Variants in CLPSL1 observed in about 807,000 individuals in gnomAD.
The protein encoded by CLPSL1 is colipase-like protein 1.
A neutral mutation model predicts 9.3 loss-of-function variants in CLPSL1; 13 were observed. The ratio of observed to expected loss-of-function variants is 1.40; its 90% CI spans 0.91 to 2.22. The LOEUF (loss-of-function observed/expected upper bound fraction) is 2.22. CLPSL1 is among the 30% of genes most tolerant of loss of function. The pLI is 0.00. For missense variants in CLPSL1, 164 were observed against 146.6 expected (o/e 1.12, Z -0.61); for synonymous variants, 58 against 56.9 (o/e 1.02, Z -0.08).
chr6:35,792,494 A>G (rs934500284), downstream of CLPSL1, among the ~76,000 whole-genome samples: 55 of 152,378 alleles, frequency 3.6e-4, no homozygotes, highest in Non-Finnish European at 7.3e-4. Flanking sequence ...TTGTCAGTCA[A>G]ACCATTGTAA....
intron 1 of CLPSL1, among the ~76,000 whole-genome samples, chr6:35,783,021 G>A (rs1346481374): frequency 6.6e-6 from 1 of 152,072 alleles, no homozygotes. Flanking sequence ...GAGTTTACAT[G>A]GAAATCAATG....
chr6:35,793,002 GC>G (rs1208019608), downstream of CLPSL1, among the ~76,000 whole-genome samples: 2 of 152,256 alleles, frequency 1.3e-5, no homozygotes, highest in Non-Finnish European at 2.9e-5. Flanking sequence ...AATGAACCTG[GC>G]CCCAGGAGAA....
chr6:35,785,174 A>ATTTT lies in CLPSL1; in HGVS notation c.100-1806_100-1803dup, dbSNP rs34500810. 2.8e-3 allele frequency among the ~76,000 whole-genome samples: 320 copies of ATTTT among 115,658 alleles called. 3 individuals are homozygous for ATTTT. Among genetic ancestry groups the ATTTT allele is most frequent in the South Asian group, 4.9e-3 (17 of 3,470 alleles). 75.9% of individuals were successfully genotyped at this position (115,658 alleles called of 152,430 possible). A position where few individuals can be genotyped will look rare whatever the true frequency, so the allele number is the denominator to read the frequency against. On this transcript the variant is annotated intron_variant, in intron 1 of 2. Coordinates refer to ENST00000373861, the MANE Select transcript of CLPSL1 (RefSeq NM_001010886.5). ...TTTCCTGTGGAGTGTGCCCCTGGAA[A>ATTTT]TTTTTTTTTTTTTTTTTTTTTGAGA... is the stretch of plus-strand genomic sequence containing the variant.
At chr6:35,782,357 A>C (rs1767981346) in intron 1 of CLPSL1, among the ~76,000 whole-genome samples, 1 of 152,234 alleles carries the variant, frequency 6.6e-6, no homozygotes, top group South Asian at 2.1e-4. Flanking sequence ...CAGCACCTGC[A>C]ATGTGTAAGG....
intron 1 of CLPSL1, among the ~76,000 whole-genome samples, chr6:35,786,155 C>G (rs1768069291): frequency 6.6e-6 from 1 of 151,994 alleles, no homozygotes; most frequent in South Asian, 2.1e-4. Context: ...ATCGCAGCTA[C>G]TCGGGAGAAT....
At chr6:35,789,353 T>C (rs1244824188), downstream of CLPSL1, among the ~76,000 whole-genome samples, 1 of 152,264 alleles carries the variant, frequency 6.6e-6, no homozygotes, top group African/African-American at 2.4e-5. Context: ...AAGGATAGTC[T>C]TTTCAATAAA....
intron 1 of CLPSL1, among the ~76,000 whole-genome samples, chr6:35,785,424 G>T (rs928510360): frequency 2.0e-5 from 3 of 151,926 alleles, no homozygotes; most frequent in African/African-American, 7.3e-5. Context: ...TGATCTGCCC[G>T]CCTCGGCCTC....
downstream of CLPSL1, among the ~76,000 whole-genome samples, chr6:35,789,220 T>C (rs1768145345): frequency 6.6e-6 from 1 of 152,182 alleles, no homozygotes; most frequent in African/African-American, 2.4e-5. Flanking sequence ...TCTAAGAAGT[T>C]CCCAAGGATA....
intron 1 of CLPSL1, 33 bp downstream of exon 1, chr6:35,781,242 C>T: frequency 6.2e-7 from 1 of 1,608,464 alleles, no homozygotes; most frequent in Non-Finnish European, 8.5e-7. Context: ...TCACCTCCCC[C>T]TCCACTGTCC....
At chr6:35,791,667 G>A (rs375581602), downstream of CLPSL1, among the ~76,000 whole-genome samples, 38 of 152,186 alleles carry the variant, frequency 2.5e-4, no homozygotes, top group South Asian at 6.5e-3. Context: ...GTGGTGGCTT[G>A]TGCCTGTAAT....
chr6:35,785,560 T>C (rs1768052946), intron 1 of CLPSL1, among the ~76,000 whole-genome samples: 2 of 152,314 alleles, frequency 1.3e-5, no homozygotes, highest in African/African-American at 4.8e-5. Context: ...GAGATTTTAT[T>C]GGAAGCCCTT....
chr6:35,787,238 A>G, intron 2 of CLPSL1, 118 bp downstream of exon 2: 1 of 1,258,658 alleles, frequency 7.9e-7, no homozygotes. Flanking sequence ...TGGAGCCTGG[A>G]ATTCCCCCGT....
chr6:35,786,919 T>A (rs1048306510), intron 1 of CLPSL1, 79 bp from the exon 2 acceptor site: 1 of 1,501,076 alleles, frequency 6.7e-7, no homozygotes, highest in Non-Finnish European at 9.0e-7. Context: ...AGGAGCCCCG[T>A]AGGGAGAAAG....
chr6:35,781,322 C>G, intron 1 of CLPSL1, 113 bp downstream of exon 1: 1 of 1,415,946 alleles, frequency 7.1e-7, no homozygotes, highest in Non-Finnish European at 9.3e-7. Flanking sequence ...GAAGTGGGGG[C>G]AGCAGGGAGT....
At chr6:35,785,805 C>T (rs1474674087) in intron 1 of CLPSL1, among the ~76,000 whole-genome samples, 1 of 151,976 alleles carries the variant, frequency 6.6e-6, no homozygotes, top group Non-Finnish European at 1.5e-5. Flanking sequence ...AAAAAATTAG[C>T]TGGGCATGGT....
chr6:35,793,893 G>C (rs1309624094), downstream of CLPSL1, among the ~76,000 whole-genome samples: 1 of 152,260 alleles, frequency 6.6e-6, no homozygotes, highest in East Asian at 1.9e-4. Context: ...TGGATGATGG[G>C]CACCTCAGTA....
chr6:35,791,265 G>T (rs1447807460), downstream of CLPSL1, among the ~76,000 whole-genome samples: 1 of 152,250 alleles, frequency 6.6e-6, no homozygotes, highest in African/African-American at 2.4e-5. Flanking sequence ...CTTACGATGG[G>T]GCTACATCCT....
At chr6:35,782,298 T>C (rs1767980713) in intron 1 of CLPSL1, among the ~76,000 whole-genome samples, 1 of 152,092 alleles carries the variant, frequency 6.6e-6, no homozygotes, top group Non-Finnish European at 1.5e-5. Context: ...CTCAGAGAGA[T>C]AAATGGAACA....
chr6:35,792,273 CA>C (rs36018273), downstream of CLPSL1, among the ~76,000 whole-genome samples: 24,417 of 133,560 alleles, frequency 0.18, 43 homozygotes, highest in East Asian at 0.26. Flanking sequence ...GACCCTGTCT[CA>C]AAAAAAAAAA....
Sources: allele counts gnomAD v4.1 joint callset (sites outside exome capture counted in the v4.1 genomes callset), GRCh38; gene constraint gnomAD v4.1.1; transcripts MANE v1.5; gene names NCBI Gene and HGNC (gene_info 2026-07-23, HGNC 2026-07-21).